SLAMF6: variants seen among roughly 807,000 people sequenced by gnomAD.
The protein encoded by SLAMF6 is NK-T-B-antigen.
A neutral mutation model predicts 38.3 loss-of-function variants in SLAMF6; 21 were observed. That is an observed-to-expected ratio of 0.55 (90% confidence interval 0.39 to 0.79). The LOEUF is 0.79. SLAMF6 is among the 30% of genes least tolerant of loss of function. The pLI, the probability that SLAMF6 is intolerant of heterozygous loss-of-function variation, is 0.00. For synonymous variants in SLAMF6, 152 were observed against 146.3 expected, an observed-to-expected ratio of 1.04 and a Z score of -0.28; for missense variants, 341 against 385.3, an observed-to-expected ratio of 0.89 and a Z score of 0.96.
chr1:160,507,272 A>T (rs1280906356), intron 1 of SLAMF6, among the ~76,000 whole-genome samples: 2 of 152,198 alleles, frequency 1.3e-5, no homozygotes, highest in East Asian at 3.8e-4. Context: ...ACTTTAAGTC[A>T]AAAATTATTA....
rs776982547 is a variant in SLAMF6, at chr1:160,490,144, A to T, written c.796+54T>A. The T allele has an allele frequency of 2.5e-6, 4 of 1,589,122 alleles. No homozygotes were observed. The Admixed American group carries it at 5.0e-5, about 20-fold the overall frequency. On this transcript the variant is annotated intron_variant, in intron 5 of 7. Transcript: ENST00000368057. The stretch of plus-strand genomic sequence containing the variant: ...CCTCTGCCATCCCCCTCTCTCTTCC[A>T]TTTGGCTCTTCCCATCTGCTTTATG...
chr1:160,520,796 G>A (rs1274903218), intron 1 of SLAMF6, among the ~76,000 whole-genome samples: 1 of 152,126 alleles, frequency 6.6e-6, no homozygotes, highest in East Asian at 1.9e-4. Context: ...GTTTTTCATG[G>A]TTGTTTCAAA....
rs747973864 is a variant in SLAMF6, at chr1:160,491,143, C to A, written c.628G>T (p.Ala210Ser). 1 of 1,613,798 alleles carries A rather than the reference C, an allele frequency of 6.2e-7. No homozygotes were observed. Among genetic ancestry groups the A allele is most frequent in the South Asian group, 1.1e-5 (1 of 91,068 alleles). The change falls in exon 3 of 8, where the codon GCC becomes TCC. Residue 210 changes from alanine to serine, a missense_variant. Ala to Ser is a moderately conservative substitution (Grantham distance 99). Coordinates refer to ENST00000368057, the MANE Select transcript of SLAMF6 (RefSeq NM_001184714.2). Reference protein sequence around the residue: ...AVSNLSFSVSAQKLCEDVKIQ... With the variant: ...AVSNLSFSVSSQKLCEDVKIQ... ...CTGTTACCTTCGCAAAGCTTCTGGG[C>A]AGAGACAGAGAAGGATAAATTACTG...
In SLAMF6 at chr1:160,491,223, C is replaced by T; in HGVS notation, c.548G>A (p.Trp183Ter). Residue 183 changes from tryptophan (W) to a stop codon, truncating the protein, a stop_gained, in exon 3 of 8, where the codon TGG (tryptophan) becomes TAG (stop). Coordinates refer to ENST00000368057, the MANE Select transcript of SLAMF6 (RefSeq NM_001184714.2). LOFTEE classifies it high-confidence loss of function. Reference sequence around the variant, plus strand: ...CTGTTCACTGGAAATCCTGGGGTCCCAGGAGACAGTGAGGTTTGGCTGACT... The same window carrying T: ...CTGTTCACTGGAAATCCTGGGGTCCTAGGAGACAGTGAGGTTTGGCTGACT... ...LSSQPNLTVS[W>*]DPRISSEQDY... The T allele has an allele frequency of 6.2e-7, 1 of 1,614,042 alleles. No individual in the cohort carries two copies. Among genetic ancestry groups the T allele is most frequent in the Non-Finnish European group, 8.5e-7 (1 of 1,179,972 alleles).
At chr1:160,517,222 A>G (rs1010874765) in intron 1 of SLAMF6, among the ~76,000 whole-genome samples, 21 of 152,274 alleles carry the variant, frequency 1.4e-4, no homozygotes, top group African/African-American at 4.6e-4. Context: ...GACACTTCTC[A>G]AAAGAAGACA....
chr1:160,503,341 A>G (rs1160261407), intron 1 of SLAMF6, among the ~76,000 whole-genome samples: 1 of 152,080 alleles, frequency 6.6e-6, no homozygotes, highest in Non-Finnish European at 1.5e-5. Context: ...AGCTTGGTTG[A>G]CACGCACCAT....
chr1:160,487,041 G>A, intron 7 of SLAMF6, 63 bp downstream of exon 7: 3 of 1,403,512 alleles, frequency 2.1e-6, no homozygotes, highest in Non-Finnish European at 9.9e-7. Context: ...TACTTTATTT[G>A]AAAAATCATA....
At chr1:160,501,727 CTCTGCTTAAAATGCCTT>C (rs1653907172) in intron 1 of SLAMF6, among the ~76,000 whole-genome samples, 3 of 148,864 alleles carry the variant, frequency 2.0e-5, no homozygotes, top group Non-Finnish European at 3.0e-5. Flanking sequence ...CTGCTTTTCC[CTCTGCTTAAAATGCCTT>C]TCTTCATCTT....
Position 160,490,527 on chromosome 1 carries a change from A to G in SLAMF6, c.757+48T>C. ...GGGAATCAGAGGCCCCAAACTCTCA[A>G]TCACTGGAACCTTGGAGAAGAGACA... On this transcript the variant is annotated intron_variant, in intron 4 of 7. Coordinates refer to ENST00000368057, the MANE Select transcript of SLAMF6 (RefSeq NM_001184714.2). The G allele has an allele frequency of 3.8e-6, 6 of 1,595,328 alleles. No homozygotes were observed. In the Middle Eastern group the frequency reaches 5.1e-4, roughly 136 times the overall value.
At chr1:160,498,056 A>G (rs1050072422) in intron 1 of SLAMF6, among the ~76,000 whole-genome samples, 1 of 151,914 alleles carries the variant, frequency 6.6e-6, no homozygotes, top group African/African-American at 2.4e-5. Flanking sequence ...AAATCTCCAA[A>G]CTGCTTTCCA....
intron 1 of SLAMF6, among the ~76,000 whole-genome samples, chr1:160,507,996 A>G (rs909884677): frequency 4.7e-4 from 72 of 152,146 alleles, no homozygotes; most frequent in African/African-American, 1.7e-3. Flanking sequence ...CCACTGCTCA[A>G]CAAAATAAAA....
intron 1 of SLAMF6, among the ~76,000 whole-genome samples, chr1:160,516,352 G>C (rs1229763291): frequency 6.6e-6 from 1 of 152,064 alleles, no homozygotes; most frequent in Non-Finnish European, 1.5e-5. Flanking sequence ...GGAAACCAGA[G>C]AGGACACAAA....
chr1:160,494,653 GAGAC>G (rs1439153057), intron 2 of SLAMF6, among the ~76,000 whole-genome samples: 1 of 152,182 alleles, frequency 6.6e-6, no homozygotes, highest in Admixed American at 6.5e-5. Context: ...AAGGATGTTT[GAGAC>G]AGACAGAAAA....
chr1:160,489,477 A>G (rs975661895), intron 5 of SLAMF6, among the ~76,000 whole-genome samples: 1 of 152,140 alleles, frequency 6.6e-6, no homozygotes, highest in Non-Finnish European at 1.5e-5. Flanking sequence ...CTGCCTATGG[A>G]AGGGCTAAAG....
rs1652955344 is a variant in SLAMF6 at position 160,486,221 on chromosome 1, T to C, written c.*486A>G. On this transcript the variant is annotated 3_prime_UTR_variant, in exon 8 of 8. Transcript: ENST00000368057. ...CAAAATCTGAAAAAAAATTGAAATC[T>C]GAAACATTTCTAATCCCAAGCATTT... 1 of 152,952 alleles carries C rather than the reference T, an allele frequency of 6.5e-6. No homozygotes were observed. The highest frequency in any genetic ancestry group is 1.9e-4 in the East Asian group (1 of 5,204). 9.5% of individuals were successfully genotyped at this position (152,952 alleles called of 1,614,324 possible).
chr1:160,487,191 T>A lies in SLAMF6; in HGVS notation c.880-16A>T, dbSNP rs747773157. ...TTTCTGTTTCCTGTAAAAAGAATCATACCAATTTGGCTTACACAGAGACAA... is the reference window on the plus strand; with the variant it reads ...TTTCTGTTTCCTGTAAAAAGAATCAAACCAATTTGGCTTACACAGAGACAA... On this transcript the variant is annotated splice_polypyrimidine_tract_variant and intron_variant, in intron 6 of 7. Coordinates refer to ENST00000368057, the MANE Select transcript of SLAMF6 (RefSeq NM_001184714.2). 6.2e-7 allele frequency: 1 copy of A among 1,611,094 alleles called. No homozygotes were observed.
intron 1 of SLAMF6, among the ~76,000 whole-genome samples, chr1:160,501,325 T>C (rs1205891292): frequency 6.6e-6 from 1 of 152,210 alleles, no homozygotes; most frequent in Non-Finnish European, 1.5e-5. Context: ...GGGTTGGGCA[T>C]TGAGCTAGTG....
intron 6 of SLAMF6, among the ~76,000 whole-genome samples, chr1:160,487,437 G>T (rs1290245664): frequency 6.6e-6 from 1 of 152,210 alleles, no homozygotes; most frequent in Non-Finnish European, 1.5e-5. Context: ...CAGCCTTGCT[G>T]TATGAAGGGA....
rs1652966512 is a variant in SLAMF6 at position 160,486,441 on chromosome 1, A to G, written c.*266T>C. 4.9e-6 allele frequency: 2 copies of G among 410,556 alleles called. No homozygotes were observed. Among genetic ancestry groups the G allele is most frequent in the South Asian group, 3.0e-5 (1 of 32,838 alleles). The allele number at this position is 410,556 out of a possible 1,614,324, so 25.4% of individuals were successfully genotyped here. ...TGCTTAGTTATCAAAGAGAGAGTCA[A>G]TGTGCTGGTGTGTTATCTTTAGCAT... On this transcript the variant is annotated 3_prime_UTR_variant, in exon 8 of 8. Transcript: ENST00000368057.
Sources: allele counts gnomAD v4.1 joint callset (sites outside exome capture counted in the v4.1 genomes callset), GRCh38; gene constraint gnomAD v4.1.1; transcripts MANE v1.5; gene names NCBI Gene and HGNC (gene_info 2026-07-23, HGNC 2026-07-21).